The following CSMD1 variants were observed in gnomAD, a reference collection of about 807,000 sequenced individuals.
CSMD1 encodes CUB and sushi domain-containing protein 1.
A neutral mutation model predicts 417.5 loss-of-function variants in CSMD1; 213 were observed. That is an observed-to-expected ratio of 0.51 (90% confidence interval 0.46 to 0.57). The LOEUF (loss-of-function observed/expected upper bound fraction) is 0.57, where lower values mean the gene tolerates loss of function less well. Among genes scored for constraint, CSMD1 ranks in the 20% least tolerant of loss-of-function variants. The pLI is 0.00. For synonymous variants in CSMD1, 2,862 were observed against 1,736.8 expected, an observed-to-expected ratio of 1.65 and a Z score of -16.11; for missense variants, 6,923 against 4,529.7, an observed-to-expected ratio of 1.53 and a Z score of -15.17.
chr8:3,547,845 G>A (rs1014665479), intron 10 of CSMD1, among the ~76,000 whole-genome samples: 3 of 152,068 alleles, frequency 2.0e-5, no homozygotes, highest in African/African-American at 7.2e-5. Context: ...TTTTTAAAAG[G>A]AATTTCGCTA....
chr8:4,163,928 CT>C (rs1563208484), intron 3 of CSMD1, among the ~76,000 whole-genome samples: 1 of 152,108 alleles, frequency 6.6e-6, no homozygotes, highest in African/African-American at 2.4e-5. Context: ...GACTTTCCAT[CT>C]GTTATATAAG....
intron 5 of CSMD1, among the ~76,000 whole-genome samples, chr8:3,979,710 T>G (rs913936107): frequency 1.3e-5 from 2 of 152,194 alleles, no homozygotes; most frequent in Non-Finnish European, 2.9e-5. Flanking sequence ...TACCCAGAAC[T>G]GAATAAGCTG....
intron 3 of CSMD1, among the ~76,000 whole-genome samples, chr8:4,188,688 T>G (rs1044201139): frequency 1.4e-4 from 21 of 152,004 alleles, no homozygotes; most frequent in Non-Finnish European, 8.8e-5. Context: ...TTAACCTTTA[T>G]AAAAAAGAGG....
intron 12 of CSMD1, among the ~76,000 whole-genome samples, chr8:3,425,415 C>G (rs1813773854): frequency 1.3e-5 from 2 of 151,864 alleles, no homozygotes; most frequent in African/African-American, 4.8e-5. Context: ...TGGTGAAACC[C>G]TGTCTCTACT....
intron 2 of CSMD1, among the ~76,000 whole-genome samples, chr8:4,422,515 G>T (rs992223291): frequency 6.6e-6 from 1 of 152,056 alleles, no homozygotes; most frequent in Non-Finnish European, 1.5e-5. Flanking sequence ...ACTGAGAAAA[G>T]ACCATGTGAG....
chr8:3,938,827 A>G (rs1342243785), intron 5 of CSMD1, among the ~76,000 whole-genome samples: 9 of 152,178 alleles, frequency 5.9e-5, no homozygotes, highest in Non-Finnish European at 1.2e-4. Flanking sequence ...TAGCTAACAT[A>G]TCTTTATTTT....
At chr8:4,423,766 C>G (rs528700902) in intron 2 of CSMD1, among the ~76,000 whole-genome samples, 1 of 151,718 alleles carries the variant, frequency 6.6e-6, no homozygotes, top group Non-Finnish European at 1.5e-5. Flanking sequence ...AAACATTTTG[C>G]GAGAGAAGAA....
chr8:3,255,779 G>A (rs1218468271), intron 26 of CSMD1, among the ~76,000 whole-genome samples: 1 of 152,134 alleles, frequency 6.6e-6, no homozygotes, highest in Non-Finnish European at 1.5e-5. Context: ...CACTTTCTTT[G>A]ACTAGAAAGG....
At chr8:4,284,925 C>A (rs1344829468) in intron 3 of CSMD1, among the ~76,000 whole-genome samples, 1 of 152,134 alleles carries the variant, frequency 6.6e-6, no homozygotes, top group Non-Finnish European at 1.5e-5. Flanking sequence ...CAGGATGCAC[C>A]AGTTAATTAC....
At chr8:4,051,308 C>CAAAAAAAAAAAAAAAAAAAAAAA (rs5889012) in intron 3 of CSMD1, among the ~76,000 whole-genome samples, 1 of 140,512 alleles carries the variant, frequency 7.1e-6, no homozygotes, top group African/African-American at 2.7e-5. Flanking sequence ...TTTGAAGACT[C>CAAAAAAAAAAAAAAAAAAAAAAA]AAAAAAAAAA....
At chr8:4,578,555 G>A (rs778080263) in intron 2 of CSMD1, among the ~76,000 whole-genome samples, 17 of 151,246 alleles carry the variant, frequency 1.1e-4, no homozygotes, top group Non-Finnish European at 1.9e-4. Context: ...AATGCTTCAT[G>A]CCTGTAATCT....
intron 40 of CSMD1, 38 bp from the exon 41 acceptor site, chr8:3,142,712 C>T: frequency 6.7e-7 from 1 of 1,493,466 alleles, no homozygotes; most frequent in South Asian, 1.1e-5. Context: ...AAGTTCATAT[C>T]AAAATGTATA....
intron 3 of CSMD1, among the ~76,000 whole-genome samples, chr8:4,237,708 T>G (rs1046517566): frequency 6.6e-6 from 1 of 152,100 alleles, no homozygotes; most frequent in African/African-American, 2.4e-5. Flanking sequence ...AGACATGGTT[T>G]TGCTATGTTG....
At chr8:3,111,396 G>A (rs1299627445) in intron 42 of CSMD1, among the ~76,000 whole-genome samples, 1 of 152,160 alleles carries the variant, frequency 6.6e-6, no homozygotes, top group Non-Finnish European at 1.5e-5. Flanking sequence ...AAGTTTTACT[G>A]CGTAATTATT....
At chr8:3,925,695 CA>C (rs1809606599) in intron 5 of CSMD1, among the ~76,000 whole-genome samples, 2 of 151,946 alleles carry the variant, frequency 1.3e-5, no homozygotes, top group Admixed American at 6.6e-5. Flanking sequence ...TTGCCACCAC[CA>C]CGTAAGAAGT....
At chr8:4,146,676 A>G (rs1470140602) in intron 3 of CSMD1, among the ~76,000 whole-genome samples, 2 of 119,504 alleles carry the variant, frequency 1.7e-5, no homozygotes, top group African/African-American at 3.4e-5. Flanking sequence ...CAGTGGTGTG[A>G]TCTGGACTCA....
chr8:3,942,080 C>G lies in CSMD1; in HGVS notation c.818+55823G>C, dbSNP rs192223722. ...TTGGGCATGCAAGGGATCTAGGTTTCGAGCTCCTTGTGAGAATCTAATGCC... is the reference window on the plus strand; with the variant it reads ...TTGGGCATGCAAGGGATCTAGGTTTGGAGCTCCTTGTGAGAATCTAATGCC... On this transcript the variant is annotated intron_variant, in intron 5 of 69. Transcript: ENST00000635120. Among the ~76,000 whole-genome samples the G allele has an allele frequency of 3.7e-4, 56 of 151,976 alleles. 1 individual carries two copies. The highest frequency in any genetic ancestry group is 6.8e-3 in the Middle Eastern group (2 of 294).
intron 6 of CSMD1, among the ~76,000 whole-genome samples, chr8:3,729,429 G>A (rs968332025): frequency 1.3e-5 from 2 of 152,176 alleles, no homozygotes; most frequent in Non-Finnish European, 2.9e-5. Flanking sequence ...TGTTAAAAGA[G>A]GGATATAATA....
intron 15 of CSMD1, among the ~76,000 whole-genome samples, chr8:3,405,774 G>C (rs1267574003): frequency 6.6e-6 from 1 of 152,152 alleles, no homozygotes; most frequent in Non-Finnish European, 1.5e-5. Flanking sequence ...ACACCGCCAG[G>C]AGCTGGAGGA....
Sources: allele counts gnomAD v4.1 joint callset (sites outside exome capture counted in the v4.1 genomes callset), GRCh38; gene constraint gnomAD v4.1.1; transcripts MANE v1.5; gene names NCBI Gene and HGNC (gene_info 2026-07-23, HGNC 2026-07-21).